SGCD: variants seen among roughly 807,000 people sequenced by gnomAD.
The protein encoded by SGCD is delta-sarcoglycan.
Under a neutral mutation model 36.6 loss-of-function variants are expected in SGCD, and 18 were observed. The ratio of observed to expected loss-of-function variants is 0.49; its 90% CI spans 0.34 to 0.73. The LOEUF (loss-of-function observed/expected upper bound fraction) is 0.73, where lower values mean the gene tolerates loss of function less well. Ranked by LOEUF, SGCD falls within the 30% of genes least tolerant of loss-of-function variation. The pLI is 0.01. For missense variants in SGCD, 387 were observed against 346.7 expected, an observed-to-expected ratio of 1.12 and a Z score of -0.92; for synonymous variants, 133 against 130.6, an observed-to-expected ratio of 1.02 and a Z score of -0.12.
chr5:156,540,393 AAGTTT>A (rs1304676787), intron 4 of SGCD, among the ~76,000 whole-genome samples: 1 of 152,092 alleles, frequency 6.6e-6, no homozygotes, highest in Admixed American at 6.6e-5. Flanking sequence ...AATTGGCATT[AAGTTT>A]TTGTTTTCTT....
intron 1 of SGCD, among the ~76,000 whole-genome samples, chr5:156,060,517 A>G (rs1188917123): frequency 6.8e-6 from 1 of 146,588 alleles, no homozygotes; most frequent in African/African-American, 2.5e-5. Context: ...TTCTTAATGA[A>G]GTTTTTTACA....
intron 3 of SGCD, among the ~76,000 whole-genome samples, chr5:156,284,482 G>C (rs1006974291): frequency 3.9e-5 from 6 of 152,108 alleles, no homozygotes; most frequent in African/African-American, 7.2e-5. Context: ...ACATGACCAA[G>C]TGGGCTTCAT....
the SGCD span, among the ~76,000 whole-genome samples, chr5:155,770,363 G>A: frequency 6.6e-6 from 1 of 152,016 alleles, no homozygotes; most frequent in African/African-American, 2.4e-5. Flanking sequence ...CATAGGATGT[G>A]GGGGGCAGGG....
Position 156,344,552 on chromosome 5 carries a change from T to C in SGCD, c.67T>C (p.Tyr23His), listed in dbSNP as rs1768843843. 1.9e-6 allele frequency: 3 copies of C among 1,612,256 alleles called. No homozygotes were observed. Among genetic ancestry groups the C allele is most frequent in the Non-Finnish European group, 2.5e-6 (3 of 1,178,978 alleles). ...TMPGSVGPQVYKVGIYGWRKR... is the reference protein window; with the variant it reads ...TMPGSVGPQVHKVGIYGWRKR... ...GCCTGGCTCTGTGGGGCCACAGGTA[T>C]ACAAGGTGGGGATTTATGGCTGGCG... Residue 23 changes from tyrosine (Y) to histidine (H), a missense_variant, in exon 3 of 9, where the codon TAC becomes CAC. Tyr to His is a moderately conservative substitution (Grantham distance 83, BLOSUM62 2). Coordinates refer to ENST00000337851, the MANE Select transcript of SGCD (RefSeq NM_000337.6).
chr5:156,696,511 A>G (rs1368978304), intron 7 of SGCD, among the ~76,000 whole-genome samples: 1 of 152,016 alleles, frequency 6.6e-6, no homozygotes, highest in Admixed American at 6.6e-5. Context: ...TGCAATTTAA[A>G]TATTTTTGCT....
chr5:155,995,986 CAAAAAAAAA>C (rs753195795), intron 1 of SGCD, among the ~76,000 whole-genome samples: 2 of 46,272 alleles, frequency 4.3e-5, no homozygotes, highest in Admixed American at 2.6e-4. Flanking sequence ...CAGACCACAC[CAAAAAAAAA>C]AAAAAAAAAA....
chr5:156,210,475 A>G (rs913304284), intron 3 of SGCD, among the ~76,000 whole-genome samples: 2 of 152,174 alleles, frequency 1.3e-5, no homozygotes, highest in African/African-American at 4.8e-5. Flanking sequence ...AGAAATAGAG[A>G]CATATGAACA....
At chr5:156,501,533 G>C (rs1756454081) in intron 3 of SGCD, among the ~76,000 whole-genome samples, 1 of 152,152 alleles carries the variant, frequency 6.6e-6, no homozygotes, top group Non-Finnish European at 1.5e-5. Context: ...GCCAGATAAA[G>C]AATGAAAAGC....
chr5:156,089,490 G>T (rs1233120781), intron 1 of SGCD, among the ~76,000 whole-genome samples: 1 of 152,316 alleles, frequency 6.6e-6, no homozygotes, highest in East Asian at 1.9e-4. Flanking sequence ...TCCAAACCTG[G>T]AAATGACTTC....
chr5:156,198,224 G>A (rs181430407), intron 3 of SGCD, among the ~76,000 whole-genome samples: 338 of 152,140 alleles, frequency 2.2e-3, no homozygotes, highest in Non-Finnish European at 3.6e-3. Context: ...TCCAGTAAGG[G>A]CAGGTGCAGA....
At chr5:155,899,091 A>G (rs1243835289) in intron 1 of SGCD, among the ~76,000 whole-genome samples, 1 of 152,224 alleles carries the variant, frequency 6.6e-6, no homozygotes, top group Non-Finnish European at 1.5e-5. Flanking sequence ...ATAAGTTGTT[A>G]GAGAGAATGT....
chr5:156,344,671 C>T lies in SGCD; in HGVS notation c.186C>T (p.Phe62=). ...TCTGGATTCTCAAAGTCATGAACTTCACAATTGTAAGTAAAACCATCTAGG... is the reference window on the plus strand; with the variant it reads ...TCTGGATTCTCAAAGTCATGAACTTTACAATTGTAAGTAAAACCATCTAGG... ...MTIWILKVMN[F]TIDGMGNLRI... is the part of the protein sequence containing the mutation. The change falls in exon 3 of 9, where the codon TTC becomes TTT. Residue 62 remains phenylalanine (F), a synonymous_variant. Transcript: ENST00000337851. 6.3e-7 allele frequency: 1 copy of T among 1,597,890 alleles called. No individual in the cohort carries two copies. Among genetic ancestry groups the T allele is most frequent in the Non-Finnish European group, 8.5e-7 (1 of 1,172,612 alleles).
chr5:156,061,806 T>A lies in SGCD; in HGVS notation c.-281-56072T>A, dbSNP rs181201501. ...CAGTTTCATAGATGAACTGACAGTTTGGGGACATGTGTTGGAGTGTTCCTC... is the reference window on the plus strand; with the variant it reads ...CAGTTTCATAGATGAACTGACAGTTAGGGGACATGTGTTGGAGTGTTCCTC... On this transcript the variant is annotated intron_variant, in intron 1 of 9. Coordinates refer to the SGCD transcript ENST00000517913. Among the ~76,000 whole-genome samples the A allele has an allele frequency of 1.1e-4, 16 of 145,634 alleles. 1 individual carries two copies. Among genetic ancestry groups the A allele is most frequent in the African/African-American group, 3.7e-4 (15 of 40,680 alleles).
At chr5:156,101,186 C>T (rs1761507890) in intron 1 of SGCD, among the ~76,000 whole-genome samples, 1 of 152,208 alleles carries the variant, frequency 6.6e-6, no homozygotes, top group African/African-American at 2.4e-5. Flanking sequence ...TTGTTTACAT[C>T]ACCCAATCTA....
At position 155,945,701 on chromosome 5, in the gene SGCD, C is replaced by T. The variant is rs1226345766; in HGVS notation, c.-282+75277C>T. Among the ~76,000 whole-genome samples the T allele has an allele frequency of 2.6e-5, 4 of 152,092 alleles. No individual in the cohort carries two copies. The East Asian group carries it at 7.7e-4, about 29-fold the overall frequency. On this transcript the variant is annotated intron_variant, in intron 1 of 9. Transcript: ENST00000517913. Reference sequence around the variant, plus strand: ...GACCCTCAAGGAATACGAGAAAGACCAGTGTTCCTGAAGCCCAGAAGAGGA... The same window carrying T: ...GACCCTCAAGGAATACGAGAAAGACTAGTGTTCCTGAAGCCCAGAAGAGGA...
chr5:156,735,000 T>C (rs553850759), intron 7 of SGCD, among the ~76,000 whole-genome samples: 1 of 152,226 alleles, frequency 6.6e-6, no homozygotes, highest in Non-Finnish European at 1.5e-5. Flanking sequence ...GTCTTTGAGG[T>C]TGCTGACCTC....
At chr5:156,500,718 C>T (rs1479952454) in intron 3 of SGCD, among the ~76,000 whole-genome samples, 1 of 152,204 alleles carries the variant, frequency 6.6e-6, no homozygotes, top group Admixed American at 6.5e-5. Flanking sequence ...TAAACATATG[C>T]ACTCTGGGTG....
intron 1 of SGCD, among the ~76,000 whole-genome samples, chr5:156,101,647 T>G: frequency 6.6e-6 from 1 of 152,176 alleles, no homozygotes; most frequent in East Asian, 1.9e-4. Flanking sequence ...TTTTATTGCT[T>G]AAATTACACA....
chr5:156,000,879 AT>A lies in SGCD; in HGVS notation c.-281-116998del, dbSNP rs148734772. On this transcript the variant is annotated intron_variant, in intron 1 of 9. Coordinates refer to the SGCD transcript ENST00000517913. ...TGGGATGGGGCCTAAGAATTTGCGT[AT>A]GTAATAAGTTCCCAGGTGTTGCTGA... Among the ~76,000 whole-genome samples, 90 of 152,030 alleles carry A rather than the reference AT, an allele frequency of 5.9e-4. 1 individual carries two copies. In the East Asian group the frequency reaches 0.016, roughly 26 times the overall value.
Sources: gnomAD v4.1 joint callset for allele counts (sites outside exome capture counted in the v4.1 genomes callset) on GRCh38, gnomAD v4.1.1 for gene constraint, MANE v1.5 for transcripts, NCBI Gene and HGNC (gene_info 2026-07-23, HGNC 2026-07-21) for gene names.